BMP6: variants seen among roughly 807,000 people sequenced by gnomAD.
The protein encoded by BMP6 is bone morphogenetic protein 6.
A neutral mutation model predicts 54.1 loss-of-function variants in BMP6; 17 were observed. The ratio of observed to expected loss-of-function variants is 0.31; its 90% CI spans 0.22 to 0.47. The LOEUF is 0.47. BMP6 is among the 20% of genes least tolerant of loss of function. BMP6 has a pLI of 1.00. For missense variants in BMP6, 720 were observed against 690.4 expected, an observed-to-expected ratio of 1.04 and a Z score of -0.48; for synonymous variants, 328 against 291.2, an observed-to-expected ratio of 1.13 and a Z score of -1.28.
At chr6:7,860,993 G>A (rs1244767908) in intron 2 of BMP6, among the ~76,000 whole-genome samples, 3 of 150,896 alleles carry the variant, frequency 2.0e-5, no homozygotes, top group Non-Finnish European at 2.9e-5. Context: ...GTCACTAATA[G>A]TATCATAAAT....
At chr6:7,848,386 T>C (rs1018685856) in intron 2 of BMP6, among the ~76,000 whole-genome samples, 2 of 152,158 alleles carry the variant, frequency 1.3e-5, no homozygotes, top group African/African-American at 4.8e-5. Context: ...TTTTCAGAGT[T>C]AGCATTTCAG....
intron 1 of BMP6, among the ~76,000 whole-genome samples, chr6:7,803,084 A>G (rs1001131538): frequency 3.3e-5 from 5 of 152,154 alleles, no homozygotes; most frequent in African/African-American, 1.2e-4. Flanking sequence ...GGAAGCCTGC[A>G]GAGGCTTGAA....
intron 1 of BMP6, among the ~76,000 whole-genome samples, chr6:7,770,813 A>G (rs1757772240): frequency 6.6e-6 from 1 of 152,036 alleles, no homozygotes; most frequent in Admixed American, 6.6e-5. Flanking sequence ...CACAGCAGTG[A>G]CTCCTAACCT....
intron 2 of BMP6, among the ~76,000 whole-genome samples, chr6:7,849,672 T>G (rs377351249): frequency 1.3e-5 from 2 of 152,244 alleles, no homozygotes; most frequent in Non-Finnish European, 2.9e-5. Context: ...GTAATTGAAT[T>G]TTGTATACCT....
chr6:7,727,369 T>C lies in BMP6; in HGVS notation c.414T>C (p.Asp138=). 1 of 1,609,876 alleles carries C rather than the reference T, an allele frequency of 6.2e-7. No homozygotes were observed. Among genetic ancestry groups the C allele is most frequent in the Non-Finnish European group, 8.5e-7 (1 of 1,178,836 alleles). Residue 138 remains aspartate (D), a synonymous_variant, in exon 1 of 7, where the codon GAT becomes GAC. Transcript: ENST00000283147. ...AGTCCGCGCCCCTCTTCATGCTGGA[T>C]CTGTACAACGCCCTGTCCGCCGACA... ...RLKSAPLFML[D]LYNALSADND...
intron 1 of BMP6, among the ~76,000 whole-genome samples, chr6:7,759,696 CTTTTTT>C (rs71542880): frequency 3.7e-4 from 23 of 62,150 alleles, no homozygotes; most frequent in African/African-American, 1.6e-3. Flanking sequence ...CTTTCTTCTT[CTTTTTT>C]TTTTTTTTTT....
intron 5 of BMP6, 69 bp downstream of exon 5, chr6:7,879,219 C>A: frequency 6.8e-7 from 1 of 1,480,100 alleles, no homozygotes; most frequent in Non-Finnish European, 9.4e-7. Context: ...ATGGTGGCAG[C>A]CATTACCAAA....
chr6:7,846,360 G>T (rs1469748166), intron 2 of BMP6, among the ~76,000 whole-genome samples: 2 of 152,146 alleles, frequency 1.3e-5, no homozygotes, highest in Non-Finnish European at 2.9e-5. Flanking sequence ...AATGACTTTG[G>T]TTTTTCCTGA....
At chr6:7,851,999 T>C (rs1759150234) in intron 2 of BMP6, among the ~76,000 whole-genome samples, 1 of 152,234 alleles carries the variant, frequency 6.6e-6, no homozygotes, top group South Asian at 2.1e-4. Context: ...CACCTATGGG[T>C]CTATTTCCAC....
intron 1 of BMP6, among the ~76,000 whole-genome samples, chr6:7,816,619 T>C (rs1287833384): frequency 1.3e-5 from 2 of 152,202 alleles, no homozygotes; most frequent in African/African-American, 4.8e-5. Context: ...CCATCCATAA[T>C]TGCTTTCTGT....
intron 3 of BMP6, 35 bp from the exon 4 acceptor site, chr6:7,862,266 G>A: frequency 1.2e-6 from 2 of 1,610,034 alleles, no homozygotes; most frequent in Non-Finnish European, 8.5e-7. Flanking sequence ...AGTTTCTGTG[G>A]AATAAAGAGA....
At chr6:7,755,812 A>G (rs1226100) in intron 1 of BMP6, among the ~76,000 whole-genome samples, 72,158 of 151,804 alleles carry the variant, frequency 0.48, 18,018 homozygotes, top group Non-Finnish European at 0.56. Flanking sequence ...CACTGGGTCT[A>G]TAATTTGAGA....
At chr6:7,800,700 T>G (rs1206217509) in intron 1 of BMP6, among the ~76,000 whole-genome samples, 1 of 152,222 alleles carries the variant, frequency 6.6e-6, no homozygotes, top group Non-Finnish European at 1.5e-5. Context: ...TTCCTTTTAT[T>G]ATTCTGTCTT....
chr6:7,838,340 G>A (rs183109341), intron 1 of BMP6, among the ~76,000 whole-genome samples: 1 of 152,170 alleles, frequency 6.6e-6, no homozygotes, highest in East Asian at 1.9e-4. Flanking sequence ...CATCCATTGG[G>A]GCCCTTGGAA....
At chr6:7,833,196 G>A (rs267184) in intron 1 of BMP6, among the ~76,000 whole-genome samples, 81,447 of 151,944 alleles carry the variant, frequency 0.54, 22,986 homozygotes, top group East Asian at 0.72. Flanking sequence ...GCATCCAACG[G>A]TGTGCTCTCC....
At chr6:7,743,037 T>C (rs903377430) in intron 1 of BMP6, among the ~76,000 whole-genome samples, 1 of 152,122 alleles carries the variant, frequency 6.6e-6, no homozygotes, top group Non-Finnish European at 1.5e-5. Flanking sequence ...TGGCTTGACA[T>C]AGACCACAGA....
Position 7,862,508 on chromosome 6 carries a change from T to C in BMP6, c.1204+10T>C, listed in dbSNP as rs1048609786. 14 of 1,613,282 alleles carry C rather than the reference T, an allele frequency of 8.7e-6. No individual in the cohort carries two copies. The highest frequency in any genetic ancestry group is 1.1e-5 in the Non-Finnish European group (13 of 1,179,784). ...GTCTCCAGTGCTTCAGGTGGGTTTG[T>C]GGGGAGCCTGTGTTTCCAGAAAGCC... is the stretch of plus-strand genomic sequence containing the variant. On this transcript the variant is annotated intron_variant, in intron 4 of 6. Coordinates refer to ENST00000283147, the MANE Select transcript of BMP6 (RefSeq NM_001718.6).
intron 1 of BMP6, among the ~76,000 whole-genome samples, chr6:7,833,221 C>A (rs750798637): frequency 7.2e-5 from 11 of 152,180 alleles, no homozygotes; most frequent in Non-Finnish European, 1.3e-4. Context: ...CAGGAGCCAC[C>A]AGACACTTGT....
chr6:7,767,987 G>C (rs1156998079), intron 1 of BMP6, among the ~76,000 whole-genome samples: 1 of 152,094 alleles, frequency 6.6e-6, no homozygotes, highest in African/African-American at 2.4e-5. Context: ...CTGTGCCCTG[G>C]GCTCAGTGGG....
Sources: gnomAD v4.1 joint callset for allele counts (sites outside exome capture counted in the v4.1 genomes callset) on GRCh38, gnomAD v4.1.1 for gene constraint, MANE v1.5 for transcripts, NCBI Gene and HGNC (gene_info 2026-07-23, HGNC 2026-07-21) for gene names.